The following SPATA3 variants were observed in gnomAD, a reference collection of about 807,000 sequenced individuals.
SPATA3 encodes spermatogenesis-associated protein 3.
SPATA3 carries 6 observed loss-of-function variants against 5.7 expected under a neutral mutation model. The ratio of observed to expected loss-of-function variants is 1.06; its 90% confidence interval spans 0.58 to 2.09. SPATA3 has a LOEUF of 2.09. Ranked by LOEUF, SPATA3 falls within the 30% of genes most tolerant of loss-of-function variation. The probability of loss-of-function intolerance (pLI) is 0.00; values close to 1 mark genes in which losing one functional copy is unlikely to be tolerated. For missense variants in SPATA3, 155 were observed against 130.4 expected (o/e 1.19, Z -0.92); for synonymous variants, 44 against 48.4 (o/e 0.91, Z 0.37).
At chr2:231,005,538 C>CAT (rs1692584966), downstream of SPATA3, among the ~76,000 whole-genome samples, 1 of 2,318 alleles carries the variant, frequency 4.3e-4, no homozygotes, top group Non-Finnish European at 8.4e-4. Flanking sequence ...ACCATCATCA[C>CAT]CACCATCATC....
exon 2 of SPATA3, chr2:231,000,378 G>T (rs373550804): frequency 6.6e-6 from 10 of 1,513,060 alleles, no homozygotes; most frequent in Admixed American, 4.2e-5. Flanking sequence ...CCTCTGATTC[G>T]CGCCGGCCCG....
downstream of SPATA3, among the ~76,000 whole-genome samples, chr2:231,009,445 G>A (rs1328607710): frequency 1.3e-5 from 2 of 152,236 alleles, no homozygotes; most frequent in African/African-American, 4.8e-5. Flanking sequence ...GGTTGTCACA[G>A]TGACGGGGGG....
downstream of SPATA3, among the ~76,000 whole-genome samples, chr2:231,012,049 G>A (rs1217046050): frequency 1.3e-5 from 2 of 152,244 alleles, no homozygotes; most frequent in African/African-American, 4.8e-5. Flanking sequence ...GCGAGCTAGC[G>A]AATGAGGAGG....
At chr2:231,016,502 T>G (rs1196171464) in intron 6 of SPATA3, among the ~76,000 whole-genome samples, 1 of 74,616 alleles carries the variant, frequency 1.3e-5, no homozygotes, top group Middle Eastern at 7.8e-3. Flanking sequence ...AAACCCTGTC[T>G]CTACAAAAAA....
chr2:231,010,348 G>A (rs760909550), downstream of SPATA3, among the ~76,000 whole-genome samples: 1 of 152,208 alleles, frequency 6.6e-6, no homozygotes, highest in Non-Finnish European at 1.5e-5. Context: ...ACTATGTGGG[G>A]AACCCAGCAA....
downstream of SPATA3, among the ~76,000 whole-genome samples, chr2:231,010,863 T>C (rs1005537891): frequency 2.0e-5 from 3 of 150,712 alleles, no homozygotes; most frequent in Non-Finnish European, 2.9e-5. Flanking sequence ...AGCCCAGGAA[T>C]TGGAGACCAG....
downstream of SPATA3, among the ~76,000 whole-genome samples, chr2:231,006,014 A>AG (rs57631201): frequency 0.014 from 2,026 of 141,870 alleles, 53 homozygotes; most frequent in African/African-American, 0.049. Context: ...AAAAAAAAAA[A>AG]AGAGAAAGAA....
downstream of SPATA3, among the ~76,000 whole-genome samples, chr2:231,005,406 CCAG>C (rs1482993530): frequency 2.2e-5 from 1 of 44,804 alleles, no homozygotes; most frequent in African/African-American, 8.5e-5. Flanking sequence ...ACCACCACCA[CCAG>C]TATCAGCATC....
At chr2:231,001,576 A>G (rs900666770) in intron 2 of SPATA3, among the ~76,000 whole-genome samples, 1 of 152,192 alleles carries the variant, frequency 6.6e-6, no homozygotes, top group Non-Finnish European at 1.5e-5. Context: ...AGCTCCGTCA[A>G]GGAAAGGTCT....
downstream of SPATA3, among the ~76,000 whole-genome samples, chr2:231,005,625 T>TCAC (rs1692597325): frequency 9.4e-6 from 1 of 106,764 alleles, no homozygotes; most frequent in Non-Finnish European, 2.0e-5. Context: ...ATCATCACCA[T>TCAC]CATCACCATC....
At chr2:231,014,576 G>C (rs1692879775) in intron 6 of SPATA3, among the ~76,000 whole-genome samples, 1 of 152,130 alleles carries the variant, frequency 6.6e-6, no homozygotes, top group Non-Finnish European at 1.5e-5. Flanking sequence ...GGGGACGGAA[G>C]CTGCCCATCT....
chr2:231,000,411 G>T, exon 2 of SPATA3: 1 of 1,540,562 alleles, frequency 6.5e-7, no homozygotes. Flanking sequence ...TGTGCCACTT[G>T]CCCCTGCAGC....
intron 2 of SPATA3, among the ~76,000 whole-genome samples, chr2:231,001,283 G>A (rs1314215177): frequency 6.6e-6 from 1 of 152,198 alleles, no homozygotes; most frequent in Non-Finnish European, 1.5e-5. Context: ...TAGGTTACAT[G>A]CATGGGCTGG....
intron 1 of SPATA3, among the ~76,000 whole-genome samples, chr2:230,999,338 A>G (rs998579844): frequency 6.6e-6 from 1 of 152,198 alleles, no homozygotes; most frequent in African/African-American, 2.4e-5. Context: ...TGAATATACT[A>G]AAAACCACTG....
chr2:231,013,389 T>C (rs1692841480), intron 5 of SPATA3, among the ~76,000 whole-genome samples: 1 of 152,242 alleles, frequency 6.6e-6, no homozygotes, highest in Non-Finnish European at 1.5e-5. Context: ...CAATAGTTTA[T>C]TCCTCTTTAT....
At chr2:231,003,749 G>A (rs186963823), downstream of SPATA3, among the ~76,000 whole-genome samples, 309 of 152,288 alleles carry the variant, frequency 2.0e-3, 3 homozygotes, top group African/African-American at 7.2e-3. Context: ...GGCAGTGGAT[G>A]CACCAGCCCA....
downstream of SPATA3, among the ~76,000 whole-genome samples, chr2:231,005,517 TCACCAC>T (rs1433132072): frequency 1.4e-4 from 1 of 7,106 alleles, no homozygotes. Context: ...ACCACCACCA[TCACCAC>T]CACCACCATC....
At chr2:231,005,291 A>G (rs866332524), downstream of SPATA3, among the ~76,000 whole-genome samples, 657 of 126,122 alleles carry the variant, frequency 5.2e-3, 2 homozygotes, top group African/African-American at 0.019. Flanking sequence ...CATCATCATC[A>G]CCATCACCAC....
rs72999260 is a variant in SPATA3 at position 231,012,717 on chromosome 2, C to A, written c.*226+20C>A. 4.0e-3 allele frequency: 606 copies of A among 152,300 alleles called. 7 individuals carry two copies. The highest frequency in any genetic ancestry group is 6.8e-3 in the Non-Finnish European group (460 of 68,046). 9.4% of individuals were successfully genotyped at this position (152,300 alleles called of 1,614,324 possible). ...AACTAGGTGAGTCCCCGTAGCTGAACAGAGCTGCCTAAGAGAAGTGGAATA... is the reference window on the plus strand; with the variant it reads ...AACTAGGTGAGTCCCCGTAGCTGAAAAGAGCTGCCTAAGAGAAGTGGAATA... On this transcript the variant is annotated intron_variant, in intron 5 of 8. Coordinates refer to the SPATA3 transcript ENST00000452881.
Sources: gnomAD v4.1 joint callset for allele counts (sites outside exome capture counted in the v4.1 genomes callset) on GRCh38, gnomAD v4.1.1 for gene constraint, MANE v1.5 for transcripts, NCBI Gene and HGNC (gene_info 2026-07-23, HGNC 2026-07-21) for gene names.